The following MAGI2 variants were observed in gnomAD, a reference collection of about 807,000 sequenced individuals.
MAGI2 encodes the protein membrane associated guanylate kinase, WW and PDZ domain containing 2, also known as membrane-associated guanylate kinase, WW and PDZ domain-containing protein 2.
MAGI2 carries 35 observed loss-of-function variants against 133.3 expected under a neutral mutation model. That is an observed-to-expected ratio of 0.26 (90% CI 0.20 to 0.35). The LOEUF is 0.35. Among genes scored for constraint, MAGI2 ranks in the 10% least tolerant of loss-of-function variants. The pLI is 1.00. For synonymous variants in MAGI2, 729 were observed against 710.6 expected, an observed-to-expected ratio of 1.03 and a Z score of -0.41; for missense variants, 1,636 against 1,863.4, an observed-to-expected ratio of 0.88 and a Z score of 2.25.
chr7:79,031,841 A>G (rs1647730441), intron 1 of MAGI2, among the ~76,000 whole-genome samples: 1 of 152,174 alleles, frequency 6.6e-6, no homozygotes. Flanking sequence ...TTTAAATGTT[A>G]TATAATAATT....
At chr7:78,220,161 T>C (rs898911094) in intron 10 of MAGI2, among the ~76,000 whole-genome samples, 35 of 152,200 alleles carry the variant, frequency 2.3e-4, no homozygotes, top group African/African-American at 7.7e-4. Flanking sequence ...TCAGAACACC[T>C]GGGCTGTGTG....
intron 1 of MAGI2, among the ~76,000 whole-genome samples, chr7:79,361,736 G>T (rs1243673563): frequency 6.6e-6 from 1 of 152,002 alleles, no homozygotes; most frequent in Non-Finnish European, 1.5e-5. Flanking sequence ...AATCATATAG[G>T]ATATATTCTT....
chr7:78,358,000 T>A (rs192483486), intron 7 of MAGI2, among the ~76,000 whole-genome samples: 14 of 149,346 alleles, frequency 9.4e-5, no homozygotes, highest in Admixed American at 5.3e-4. Flanking sequence ...CATTTTTTAT[T>A]GTTAAAAAAA....
chr7:78,454,037 A>G (rs1789031072), intron 6 of MAGI2, among the ~76,000 whole-genome samples: 1 of 152,118 alleles, frequency 6.6e-6, no homozygotes, highest in South Asian at 2.1e-4. Flanking sequence ...TGTTGAAATG[A>G]CTGATATCAT....
chr7:78,553,094 TA>T (rs754149011), intron 3 of MAGI2, among the ~76,000 whole-genome samples: 50 of 133,144 alleles, frequency 3.8e-4, no homozygotes, highest in South Asian at 9.8e-4. Context: ...AACTTTAAAT[TA>T]AAAAAAAAAA....
chr7:78,120,752 A>C (rs1330474026), intron 20 of MAGI2, among the ~76,000 whole-genome samples: 1 of 151,922 alleles, frequency 6.6e-6, no homozygotes, highest in Non-Finnish European at 1.5e-5. Context: ...CTGGAATCCC[A>C]GCACTTTGGG....
At chr7:79,228,665 G>C (rs1585258485) in intron 1 of MAGI2, among the ~76,000 whole-genome samples, 1 of 152,090 alleles carries the variant, frequency 6.6e-6, no homozygotes, top group East Asian at 1.9e-4. Context: ...GCGTAAGTCA[G>C]ATTGTTATGG....
At chr7:78,327,909 A>G (rs1464198778) in intron 9 of MAGI2, among the ~76,000 whole-genome samples, 2 of 152,168 alleles carry the variant, frequency 1.3e-5, no homozygotes, top group African/African-American at 4.8e-5. Context: ...TGTCTCAGCA[A>G]GACATGTAGT....
chr7:78,382,160 T>A (rs1281029476), intron 6 of MAGI2, among the ~76,000 whole-genome samples: 1 of 148,776 alleles, frequency 6.7e-6, no homozygotes, highest in Non-Finnish European at 1.5e-5. Context: ...TATATGCAGA[T>A]CATATTGTTA....
chr7:79,368,201 T>A (rs1015687642), intron 1 of MAGI2, among the ~76,000 whole-genome samples: 1 of 151,996 alleles, frequency 6.6e-6, no homozygotes, highest in African/African-American at 2.4e-5. Context: ...AAATTGTGCA[T>A]CTAGGAAAAC....
chr7:79,360,684 C>A (rs1259048215), intron 1 of MAGI2, among the ~76,000 whole-genome samples: 1 of 152,006 alleles, frequency 6.6e-6, no homozygotes, highest in Non-Finnish European at 1.5e-5. Context: ...ACACCCAGAG[C>A]AGCCACCCAA....
At chr7:78,936,513 A>G (rs1380307655) in intron 2 of MAGI2, among the ~76,000 whole-genome samples, 1 of 152,016 alleles carries the variant, frequency 6.6e-6, no homozygotes, top group East Asian at 1.9e-4. Context: ...CATTAAAAAC[A>G]TTTTCAACTA....
chr7:79,340,307 C>G (rs1486731370), intron 1 of MAGI2, among the ~76,000 whole-genome samples: 1 of 151,968 alleles, frequency 6.6e-6, no homozygotes, highest in African/African-American at 2.4e-5. Context: ...CTCATGTCTC[C>G]TCTGTGTAAT....
At chr7:78,755,428 T>C (rs1823852465) in intron 2 of MAGI2, among the ~76,000 whole-genome samples, 1 of 152,232 alleles carries the variant, frequency 6.6e-6, no homozygotes, top group Non-Finnish European at 1.5e-5. Flanking sequence ...TGAAAATTTT[T>C]TTGATTTCAC....
intron 1 of MAGI2, among the ~76,000 whole-genome samples, chr7:79,242,103 T>C (rs945824286): frequency 1.3e-5 from 2 of 152,194 alleles, no homozygotes; most frequent in Non-Finnish European, 2.9e-5. Flanking sequence ...GAGGAATAAG[T>C]TCAAGAGATC....
intron 1 of MAGI2, among the ~76,000 whole-genome samples, chr7:79,284,210 C>T (rs1370790599): frequency 6.6e-6 from 1 of 152,060 alleles, no homozygotes; most frequent in Non-Finnish European, 1.5e-5. Context: ...TAGGGTCAGC[C>T]ATAGGGTAAA....
At chr7:78,165,302 G>A (rs565924732) in intron 15 of MAGI2, among the ~76,000 whole-genome samples, 22 of 151,968 alleles carry the variant, frequency 1.4e-4, no homozygotes, top group African/African-American at 5.3e-4. Flanking sequence ...TCCAGCTTGG[G>A]TGACAGAGTG....
chr7:78,626,851 TGTGTG>T (rs1808411732), intron 3 of MAGI2, among the ~76,000 whole-genome samples: 1 of 149,830 alleles, frequency 6.7e-6, no homozygotes, highest in African/African-American at 2.5e-5. Context: ...TGTGTGTGTG[TGTGTG>T]TGTGTATAAA....
Position 78,819,326 on chromosome 7 carries a change from T to C in MAGI2, c.418+187764A>G, listed in dbSNP as rs560732815. Among the ~76,000 whole-genome samples, 10 of 152,208 alleles carry C rather than the reference T, an allele frequency of 6.6e-5. 1 individual carries two copies. The highest frequency in any genetic ancestry group is 2.4e-4 in the African/African-American group (10 of 41,576). Reference sequence around the variant, plus strand: ...GGACATTGTGACTCTTGTATGTAAATTTGTCTCCTTCATGGCTTTTGTGGT... The same window carrying C: ...GGACATTGTGACTCTTGTATGTAAACTTGTCTCCTTCATGGCTTTTGTGGT... On this transcript the variant is annotated intron_variant, in intron 2 of 21. Transcript: ENST00000354212.
Sources: gnomAD v4.1 joint callset for allele counts (sites outside exome capture counted in the v4.1 genomes callset) on GRCh38, gnomAD v4.1.1 for gene constraint, MANE v1.5 for transcripts, NCBI Gene and HGNC (gene_info 2026-07-23, HGNC 2026-07-21) for gene names.